PIAS4: variants seen among roughly 807,000 people sequenced by gnomAD.
PIAS4 encodes protein inhibitor of activated STAT 4, also known as E3 SUMO-protein ligase PIAS4.
A neutral mutation model predicts 58.0 loss-of-function variants in PIAS4; 7 were observed. The ratio of observed to expected loss-of-function variants is 0.12; its 90% CI spans 0.07 to 0.23. PIAS4 has a LOEUF of 0.23. Among genes scored for constraint, PIAS4 ranks in the 10% least tolerant of loss-of-function variants. The probability of loss-of-function intolerance (pLI) is 1.00; values close to 1 mark genes in which losing one functional copy is unlikely to be tolerated. For missense variants in PIAS4, 550 were observed against 709.5 expected, an observed-to-expected ratio of 0.78 and a Z score of 2.55; for synonymous variants, 364 against 312.4, an observed-to-expected ratio of 1.17 and a Z score of -1.74.
rs73918112 is a variant in PIAS4, at chr19:4,031,620, G to A, written c.908-1480G>A. ...CCGGGCAGGCCTCTTCTAGGCCCACGGGGTGGGGGCCGGGCTTAACTCCTC... is the reference window on the plus strand; with the variant it reads ...CCGGGCAGGCCTCTTCTAGGCCCACAGGGTGGGGGCCGGGCTTAACTCCTC... On this transcript the variant is annotated intron_variant, in intron 7 of 10. Coordinates refer to ENST00000262971, the MANE Select transcript of PIAS4 (RefSeq NM_015897.4). Among the ~76,000 whole-genome samples, 4 of 152,222 alleles carry A rather than the reference G, an allele frequency of 2.6e-5. No individual in the cohort carries two copies. In the East Asian group the frequency reaches 5.8e-4, roughly 22 times the overall value.
At position 4,013,482 on chromosome 19, in the gene PIAS4, AG is replaced by A. The variant is rs1568212462; in HGVS notation, c.454+137del. The A allele has an allele frequency of 1.4e-6, 1 of 737,202 alleles. No homozygotes were observed. The highest frequency in any genetic ancestry group is 2.2e-6 in the Non-Finnish European group (1 of 453,938). 45.7% of individuals were successfully genotyped at this position (737,202 alleles called of 1,614,324 possible). A position where few individuals can be genotyped will look rare whatever the true frequency, so the allele number is the denominator to read the frequency against. On this transcript the variant is annotated intron_variant, in intron 2 of 10. Coordinates refer to ENST00000262971, the MANE Select transcript of PIAS4 (RefSeq NM_015897.4). This position sits in a 1 kb window ranked among gnomAD's most constrained non-coding sequence, Gnocchi z 5.1. The stretch of plus-strand genomic sequence containing the variant: ...GCCAGGGCGGGGAGCCACAGTGGCC[AG>A]GGGTGTCCTTCCTCGGAAGCAAAGG...
intron 9 of PIAS4, among the ~76,000 whole-genome samples, chr19:4,034,364 C>A (rs1418845721): frequency 6.6e-6 from 1 of 152,174 alleles, no homozygotes; most frequent in Non-Finnish European, 1.5e-5. Flanking sequence ...TAGATTTCAT[C>A]CCCAGGTGGA....
At chr19:4,034,345 C>T (rs1316672338) in intron 9 of PIAS4, among the ~76,000 whole-genome samples, 1 of 152,180 alleles carries the variant, frequency 6.6e-6, no homozygotes, top group African/African-American at 2.4e-5. Context: ...TGGCCTGCCT[C>T]TGGGGTTGTA....
At chr19:4,033,722 G>T in intron 9 of PIAS4, 142 bp downstream of exon 9, 1 of 700,872 alleles carries the variant, frequency 1.4e-6, no homozygotes, top group South Asian at 1.9e-5. Flanking sequence ...GGAAACCCCG[G>T]GCTGCGAAAA....
intron 2 of PIAS4, among the ~76,000 whole-genome samples, chr19:4,018,102 A>G (rs8102677): frequency 0.33 from 50,853 of 152,176 alleles, 8,996 homozygotes; most frequent in African/African-American, 0.43. Flanking sequence ...GTGAGCCACC[A>G]GGCCCGGCCC....
intron 2 of PIAS4, among the ~76,000 whole-genome samples, chr19:4,018,139 G>GT (rs1442160568): frequency 6.6e-6 from 1 of 152,246 alleles, no homozygotes; most frequent in Non-Finnish European, 1.5e-5. Context: ...AACTCCCTGT[G>GT]TTTCATTTCT....
intron 2 of PIAS4, among the ~76,000 whole-genome samples, chr19:4,020,196 G>A (rs1034936391): frequency 3.3e-5 from 5 of 152,166 alleles, no homozygotes; most frequent in South Asian, 4.1e-4. Context: ...GATTACAGGC[G>A]TGAGCCACTG....
chr19:4,025,492 C>G (rs563124598), intron 3 of PIAS4, among the ~76,000 whole-genome samples: 86 of 152,296 alleles, frequency 5.6e-4, no homozygotes, highest in African/African-American at 2.0e-3. Flanking sequence ...GGGCCGGGCG[C>G]CCCCATTTAA....
chr19:4,038,178 G>A lies in PIAS4; in HGVS notation c.*303G>A. 8.4e-6 allele frequency: 3 copies of A among 358,632 alleles called. No individual in the cohort carries two copies. Among genetic ancestry groups the A allele is most frequent in the Non-Finnish European group, 1.5e-5 (3 of 196,372 alleles). The allele number at this position is 358,632 out of a possible 1,614,324, so 22.2% of individuals were successfully genotyped here. On this transcript the variant is annotated 3_prime_UTR_variant, in exon 11 of 11. Coordinates refer to ENST00000262971, the MANE Select transcript of PIAS4 (RefSeq NM_015897.4). The surrounding 1 kb of genome is among the most constrained non-coding windows in gnomAD (Gnocchi z 4.1). The stretch of plus-strand genomic sequence containing the variant: ...CGGCTGGAGTCCGAGCCGGGAAGGG[G>A]TAGTGGGCGGGAGGGACCAGGACGC...
intron 9 of PIAS4, among the ~76,000 whole-genome samples, chr19:4,034,310 C>T (rs949314482): frequency 1.3e-4 from 20 of 152,144 alleles, no homozygotes; most frequent in African/African-American, 3.9e-4. Flanking sequence ...ATGGCCTCAG[C>T]GGACTGTGCA....
chr19:4,030,236 T>C (rs1467647779), intron 7 of PIAS4, among the ~76,000 whole-genome samples: 2 of 143,928 alleles, frequency 1.4e-5, no homozygotes, highest in East Asian at 3.9e-4. Context: ...GTGCTGGGAT[T>C]ACAGTCTTGG....
intron 7 of PIAS4, 131 bp downstream of exon 7, chr19:4,029,167 A>C (rs1025913065): frequency 8.1e-5 from 54 of 665,660 alleles, no homozygotes; most frequent in Middle Eastern, 4.0e-4. Flanking sequence ...CTGGGGGTCC[A>C]TGGCCCCCCG....
intron 2 of PIAS4, among the ~76,000 whole-genome samples, chr19:4,015,331 A>G (rs1204149212): frequency 6.6e-6 from 1 of 152,086 alleles, no homozygotes; most frequent in Non-Finnish European, 1.5e-5. Flanking sequence ...GGGGACCAGT[A>G]GCTCCGTCCC....
intron 2 of PIAS4, among the ~76,000 whole-genome samples, chr19:4,016,146 G>A (rs1267555167): frequency 1.3e-5 from 2 of 152,206 alleles, no homozygotes; most frequent in Non-Finnish European, 1.5e-5. Flanking sequence ...GGAAGCCGGC[G>A]CCACCCCTTT....
Position 4,037,994 on chromosome 19 carries a change from C to A in PIAS4, c.*119C>A. 1 of 1,150,842 alleles carries A rather than the reference C, an allele frequency of 8.7e-7. No individual in the cohort carries two copies. The highest frequency in any genetic ancestry group is 1.2e-6 in the Non-Finnish European group (1 of 827,260). The allele number at this position is 1,150,842 out of a possible 1,614,324, so 71.3% of individuals were successfully genotyped here. On this transcript the variant is annotated 3_prime_UTR_variant, in exon 11 of 11. Transcript: ENST00000262971. This position sits in a 1 kb window ranked among gnomAD's most constrained non-coding sequence, Gnocchi z 5.8. ...TTTTATTGTCGTTCGTTTTGTTTTT[C>A]CACCCTTTTGCCTGGCTCCTGGCAC...
At chr19:4,035,873 A>T (rs2040271928) in intron 9 of PIAS4, among the ~76,000 whole-genome samples, 1 of 142,918 alleles carries the variant, frequency 7.0e-6, no homozygotes. Context: ...ACACCGTCTC[A>T]CACACACACC....
At chr19:4,028,033 C>G in intron 3 of PIAS4, 113 bp from the exon 4 acceptor site, 1 of 1,027,456 alleles carries the variant, frequency 9.7e-7, no homozygotes, top group Non-Finnish European at 1.5e-6. Context: ...TTTCCCAGCT[C>G]TGGGGGAGGG....
intron 7 of PIAS4, among the ~76,000 whole-genome samples, chr19:4,030,386 G>A (rs934282526): frequency 5.9e-5 from 9 of 152,054 alleles, no homozygotes; most frequent in East Asian, 3.9e-4. Flanking sequence ...TTGGGAGGCC[G>A]AGGCGGGCAG....
At position 4,037,584 on chromosome 19, in the gene PIAS4, A is replaced by G; in HGVS notation, c.1274-32A>G. Reference sequence around the variant, plus strand: ...CCCCATTTATCAGTGGTTGCATCCTAAGTACCTGCACCCTGTCCCTGTTGC... The same window carrying G: ...CCCCATTTATCAGTGGTTGCATCCTGAGTACCTGCACCCTGTCCCTGTTGC... On this transcript the variant is annotated intron_variant, in intron 10 of 10. Transcript: ENST00000262971. This position sits in a 1 kb window ranked among gnomAD's most constrained non-coding sequence, Gnocchi z 5.8. The G allele has an allele frequency of 6.2e-7, 1 of 1,607,634 alleles. No individual in the cohort carries two copies. The highest frequency in any genetic ancestry group is 8.5e-7 in the Non-Finnish European group (1 of 1,179,700).
Sources: gnomAD v4.1 joint callset for allele counts (sites outside exome capture counted in the v4.1 genomes callset) on GRCh38, gnomAD v4.1.1 for gene constraint, Gnocchi (gnomAD v3.1) non-coding constraint, MANE v1.5 for transcripts, NCBI Gene and HGNC (gene_info 2026-07-23, HGNC 2026-07-21) for gene names.